Variants in AOPEP observed in about 807,000 individuals in gnomAD.
AOPEP encodes the protein aminopeptidase O.
AOPEP carries 77 observed loss-of-function variants against 98.1 expected under a neutral mutation model. That is an observed-to-expected ratio of 0.78 (90% CI 0.65 to 0.95). The LOEUF (loss-of-function observed/expected upper bound fraction) is 0.95. Among genes scored for constraint, AOPEP ranks in the 40% least tolerant of loss-of-function variants. The probability of loss-of-function intolerance (pLI) is 0.00; values close to 1 mark genes in which losing one functional copy is unlikely to be tolerated. For synonymous variants in AOPEP, 346 were observed against 365.3 expected, an observed-to-expected ratio of 0.95 and a Z score of 0.60; for missense variants, 1,024 against 1,024.7, an observed-to-expected ratio of 1.00 and a Z score of 0.01.
intron 5 of AOPEP, among the ~76,000 whole-genome samples, chr9:94,871,530 G>A (rs1322780805): frequency 6.6e-6 from 1 of 152,196 alleles, no homozygotes; most frequent in Non-Finnish European, 1.5e-5. Context: ...AGCTCAGCAT[G>A]TGCTGTTTTT....
chr9:94,859,918 C>G (rs746284160), intron 5 of AOPEP, among the ~76,000 whole-genome samples: 2 of 152,238 alleles, frequency 1.3e-5, no homozygotes, highest in Admixed American at 1.3e-4. Context: ...GTACTGAACA[C>G]TAAATTCTTC....
intron 14 of AOPEP, among the ~76,000 whole-genome samples, chr9:95,072,676 T>G (rs573349872): frequency 4.6e-5 from 7 of 152,318 alleles, no homozygotes; most frequent in Admixed American, 4.6e-4. Flanking sequence ...GTTCAAGTTG[T>G]GAGGAAGCTT....
intron 14 of AOPEP, among the ~76,000 whole-genome samples, chr9:95,066,149 T>C (rs911248320): frequency 1.8e-4 from 27 of 152,246 alleles, no homozygotes; most frequent in African/African-American, 6.3e-4. Flanking sequence ...CTTTGTCTTA[T>C]TTGGTTTATG....
chr9:94,732,233 A>G (rs958949814), intron 1 of AOPEP, among the ~76,000 whole-genome samples: 1 of 136,224 alleles, frequency 7.3e-6, no homozygotes, highest in Admixed American at 8.1e-5. Context: ...TTGATAATCC[A>G]TGCTTTCAGT....
intron 7 of AOPEP, among the ~76,000 whole-genome samples, chr9:94,941,765 A>T (rs1254340367): frequency 6.6e-6 from 1 of 152,196 alleles, no homozygotes; most frequent in Non-Finnish European, 1.5e-5. Flanking sequence ...ATAGACCCCT[A>T]ATTACATATT....
intron 16 of AOPEP, chr9:95,086,018 G>A (rs2070638871): frequency 2.9e-6 from 4 of 1,366,746 alleles, no homozygotes; most frequent in African/African-American, 1.5e-5. Flanking sequence ...GATTGGACCC[G>A]CCCTCCGGTG....
intron 13 of AOPEP, among the ~76,000 whole-genome samples, chr9:95,042,131 T>C (rs1039124000): frequency 6.6e-5 from 10 of 151,894 alleles, no homozygotes; most frequent in Middle Eastern, 3.4e-3. Flanking sequence ...GCTAACAGGG[T>C]GAAACCCCAT....
At chr9:95,128,104 C>T in the AOPEP span, among the ~76,000 whole-genome samples, 9 of 152,226 alleles carry the variant, frequency 5.9e-5, no homozygotes, top group Admixed American at 5.2e-4. Flanking sequence ...TTCGTGGCTT[C>T]GAACTTAGGC....
chr9:95,100,931 G>A, the AOPEP span: 1 of 233,162 alleles, frequency 4.3e-6, no homozygotes, highest in Admixed American at 5.6e-5. Context: ...CACCCAGCCA[G>A]GCCAATTCTT....
At chr9:95,101,782 A>G in the AOPEP span, 1 of 1,614,150 alleles carries the variant, frequency 6.2e-7, no homozygotes, top group Non-Finnish European at 8.5e-7. Flanking sequence ...TGCCAAGACG[A>G]TTCCATCTGT....
intron 14 of AOPEP, among the ~76,000 whole-genome samples, chr9:95,070,753 G>C (rs1052851321): frequency 1.3e-5 from 2 of 152,264 alleles, no homozygotes; most frequent in Non-Finnish European, 2.9e-5. Context: ...TGGAAAGGCT[G>C]CAAGCCCAAC....
chr9:94,880,734 G>A (rs1372803325), intron 5 of AOPEP, among the ~76,000 whole-genome samples: 1 of 152,164 alleles, frequency 6.6e-6, no homozygotes, highest in Non-Finnish European at 1.5e-5. Flanking sequence ...TTACTGACGT[G>A]TCCTTAACTA....
intron 2 of AOPEP, among the ~76,000 whole-genome samples, chr9:94,768,616 C>T (rs1010857487): frequency 6.6e-6 from 1 of 152,188 alleles, no homozygotes; most frequent in African/African-American, 2.4e-5. Flanking sequence ...CAAGTTCTTC[C>T]TCAATTTAGA....
At chr9:95,114,813 T>C in the AOPEP span, 5 of 953,726 alleles carry the variant, frequency 5.2e-6, no homozygotes, top group African/African-American at 6.4e-5. Context: ...AGACGCCCTT[T>C]ACTTCTGGTT....
chr9:94,841,140 T>C (rs2134808962), intron 5 of AOPEP, among the ~76,000 whole-genome samples: 1 of 152,240 alleles, frequency 6.6e-6, no homozygotes, highest in East Asian at 1.9e-4. Flanking sequence ...AAATCTCCTT[T>C]AAGCACTGCT....
intron 11 of AOPEP, among the ~76,000 whole-genome samples, chr9:94,992,427 T>C (rs913199062): frequency 1.3e-5 from 2 of 152,212 alleles, no homozygotes; most frequent in Non-Finnish European, 2.9e-5. Flanking sequence ...GTAAGTGGGC[T>C]CCAAACAGTT....
chr9:95,079,991 G>A (rs2069553945), intron 14 of AOPEP, among the ~76,000 whole-genome samples: 1 of 152,174 alleles, frequency 6.6e-6, no homozygotes, highest in Admixed American at 6.5e-5. Context: ...CAGCAGCACT[G>A]AGTCAAATCT....
At chr9:94,990,858 C>T (rs1044086767) in intron 11 of AOPEP, among the ~76,000 whole-genome samples, 7 of 152,128 alleles carry the variant, frequency 4.6e-5, no homozygotes, top group East Asian at 1.9e-4. Context: ...GAACTCCTGA[C>T]CTCAGGTGAT....
chr9:94,933,849 G>A (rs1344912196), intron 7 of AOPEP, among the ~76,000 whole-genome samples: 1 of 151,648 alleles, frequency 6.6e-6, no homozygotes, highest in African/African-American at 2.4e-5. Flanking sequence ...CCATGTTCAC[G>A]CCATTCTCCT....
Sources: allele counts gnomAD v4.1 joint callset (sites outside exome capture counted in the v4.1 genomes callset), GRCh38; gene constraint gnomAD v4.1.1; transcripts MANE v1.5; gene names NCBI Gene and HGNC (gene_info 2026-07-23, HGNC 2026-07-21).